Variants in KDM4C observed in about 807,000 individuals in gnomAD.
KDM4C encodes lysine-specific demethylase 4C.
KDM4C carries 81 observed loss-of-function variants against 129.3 expected under a neutral mutation model. The observed-to-expected ratio is 0.63, with a 90% confidence interval of 0.52 to 0.75. KDM4C has a LOEUF of 0.75. Ranked by LOEUF, KDM4C falls within the 30% of genes least tolerant of loss-of-function variation. The pLI is 0.00. For synonymous variants in KDM4C, 573 were observed against 456.1 expected (o/e 1.26, Z -3.26); for missense variants, 1,457 against 1,304.0 (o/e 1.12, Z -1.81).
intron 18 of KDM4C, among the ~76,000 whole-genome samples, chr9:7,120,064 T>C (rs182088939): frequency 6.6e-6 from 1 of 152,164 alleles, no homozygotes; most frequent in Non-Finnish European, 1.5e-5. Flanking sequence ...CCCATTCTAG[T>C]ATTGCTCTTC....
intron 5 of KDM4C, among the ~76,000 whole-genome samples, chr9:6,871,931 T>C (rs1164450252): frequency 6.6e-6 from 1 of 152,108 alleles, no homozygotes; most frequent in Non-Finnish European, 1.5e-5. Flanking sequence ...TAATATACAA[T>C]TGAAGGGCTC....
intron 8 of KDM4C, among the ~76,000 whole-genome samples, chr9:6,926,654 AAAAC>A (rs752024475): frequency 2.0e-5 from 3 of 152,320 alleles, no homozygotes; most frequent in East Asian, 3.9e-4. Context: ...ACATGGTGGG[AAAAC>A]AAACAAATGC....
chr9:6,737,210 G>A (rs1316537472), intron 1 of KDM4C, among the ~76,000 whole-genome samples: 1 of 151,980 alleles, frequency 6.6e-6, no homozygotes, highest in Non-Finnish European at 1.5e-5. Flanking sequence ...AAGAGCTTCT[G>A]CACAGTAAAA....
chr9:6,818,609 C>A (rs866627819), intron 4 of KDM4C, among the ~76,000 whole-genome samples: 2 of 152,244 alleles, frequency 1.3e-5, no homozygotes, highest in Non-Finnish European at 1.5e-5. Flanking sequence ...TTGTGTGGGT[C>A]CCGTATCTTT....
intron 4 of KDM4C, among the ~76,000 whole-genome samples, chr9:6,833,689 C>T (rs1835325593): frequency 6.6e-6 from 1 of 152,110 alleles, no homozygotes; most frequent in African/African-American, 2.4e-5. Context: ...AGGGCCTGCT[C>T]CCTGGTATGT....
chr9:7,023,990 G>A (rs1825338358), intron 15 of KDM4C, among the ~76,000 whole-genome samples: 1 of 152,172 alleles, frequency 6.6e-6, no homozygotes, highest in Non-Finnish European at 1.5e-5. Flanking sequence ...TGTGGTCAAA[G>A]AAGATGCTTG....
intron 8 of KDM4C, among the ~76,000 whole-genome samples, chr9:6,908,378 A>C (rs993979133): frequency 1.3e-5 from 2 of 152,220 alleles, no homozygotes; most frequent in South Asian, 2.1e-4. Context: ...AGACAGGCAC[A>C]CACAGTACAA....
chr9:6,893,132 C>G lies in KDM4C; in HGVS notation c.821C>G (p.Pro274Arg), dbSNP rs376050901. The G allele has an allele frequency of 1.3e-6, 2 of 1,598,866 alleles. No homozygotes were observed. The highest frequency in any genetic ancestry group is 1.7e-6 in the Non-Finnish European group (2 of 1,172,102). The change falls in exon 8 of 22, where the codon CCA (proline) becomes CGA (arginine). Residue 274 changes from proline (P) to arginine (R), a missense_variant. Physicochemically the swap from Pro to Arg is moderately radical, Grantham distance 103. Coordinates refer to ENST00000381309, the MANE Select transcript of KDM4C (RefSeq NM_015061.6). ...GCTGGAGAATTCATGATCACTTTCC[C>G]ATATGGCTACCATGCTGGTTTTAAT... The part of the protein sequence containing the change: ...QEAGEFMITF[P>R]YGYHAGFNHG...
intron 9 of KDM4C, 151 bp downstream of exon 9, chr9:6,981,269 AG>A (rs1816722456): frequency 1.6e-6 from 1 of 624,964 alleles, no homozygotes; most frequent in African/African-American, 1.8e-5. Flanking sequence ...TTTAATTCTT[AG>A]GTGTGTAATA....
At chr9:6,819,566 G>A (rs1239558804) in intron 4 of KDM4C, among the ~76,000 whole-genome samples, 2 of 152,174 alleles carry the variant, frequency 1.3e-5, no homozygotes, top group African/African-American at 4.8e-5. Flanking sequence ...TCATGCTTTT[G>A]TAGCATAAGG....
chr9:6,813,097 C>T (rs931098222), intron 3 of KDM4C, among the ~76,000 whole-genome samples: 1 of 152,050 alleles, frequency 6.6e-6, no homozygotes, highest in Non-Finnish European at 1.5e-5. Flanking sequence ...ATCCCTTGAA[C>T]CTGGGAGGCG....
At chr9:6,748,464 G>A (rs1334014262) in intron 1 of KDM4C, among the ~76,000 whole-genome samples, 4 of 149,786 alleles carry the variant, frequency 2.7e-5, no homozygotes, top group Non-Finnish European at 5.9e-5. Flanking sequence ...CTGAGATTAC[G>A]CCATTGCACT....
At chr9:6,836,751 TC>T (rs1835954306) in intron 4 of KDM4C, among the ~76,000 whole-genome samples, 1 of 152,230 alleles carries the variant, frequency 6.6e-6, no homozygotes, top group Non-Finnish European at 1.5e-5. Context: ...TCCCAGTTGA[TC>T]CATATTATTT....
intron 12 of KDM4C, among the ~76,000 whole-genome samples, chr9:6,998,434 G>A (rs1413559982): frequency 6.6e-6 from 1 of 152,196 alleles, no homozygotes; most frequent in South Asian, 2.1e-4. Context: ...ATCTCAGGAA[G>A]TCCCGTTTGA....
chr9:6,857,817 C>T (rs1840143085), intron 5 of KDM4C, among the ~76,000 whole-genome samples: 1 of 148,858 alleles, frequency 6.7e-6, no homozygotes, highest in South Asian at 2.1e-4. Context: ...TGCAGTGGTG[C>T]AATCTTGGCT....
At chr9:6,784,483 T>A (rs1030820864) in intron 1 of KDM4C, among the ~76,000 whole-genome samples, 1 of 152,168 alleles carries the variant, frequency 6.6e-6, no homozygotes, top group African/African-American at 2.4e-5. Context: ...CCACCCACCT[T>A]GGCCTCCCAA....
chr9:7,119,311 C>G (rs1288344069), intron 18 of KDM4C, among the ~76,000 whole-genome samples: 1 of 152,070 alleles, frequency 6.6e-6, no homozygotes, highest in African/African-American at 2.4e-5. Flanking sequence ...GTGATAAAAT[C>G]TTTTTAATAA....
intron 8 of KDM4C, among the ~76,000 whole-genome samples, chr9:6,906,662 G>A (rs563823730): frequency 6.6e-5 from 10 of 152,226 alleles, no homozygotes; most frequent in Middle Eastern, 3.4e-3. Context: ...GGCTGGTCTC[G>A]AACTCCTGGG....
intron 4 of KDM4C, among the ~76,000 whole-genome samples, chr9:6,830,178 A>C (rs1588556300): frequency 6.6e-6 from 1 of 152,260 alleles, no homozygotes; most frequent in Non-Finnish European, 1.5e-5. Context: ...AATATGTACA[A>C]TAAAATGTTA....
Sources: gnomAD v4.1 joint callset for allele counts (sites outside exome capture counted in the v4.1 genomes callset) on GRCh38, gnomAD v4.1.1 for gene constraint, MANE v1.5 for transcripts, NCBI Gene and HGNC (gene_info 2026-07-23, HGNC 2026-07-21) for gene names.